Variants in MED26 observed in about 807,000 individuals in gnomAD.
MED26 encodes the protein mediator of RNA polymerase II transcription subunit 26.
A neutral mutation model predicts 43.7 loss-of-function variants in MED26; 7 were observed. That is an observed-to-expected ratio of 0.16 (90% CI 0.09 to 0.30). MED26 has a LOEUF of 0.30. Among genes scored for constraint, MED26 ranks in the 10% least tolerant of loss-of-function variants. The pLI, the probability that MED26 is intolerant of heterozygous loss-of-function variation, is 1.00. For missense variants in MED26, 784 were observed against 840.6 expected, an observed-to-expected ratio of 0.93 and a Z score of 0.83; for synonymous variants, 375 against 371.1, an observed-to-expected ratio of 1.01 and a Z score of -0.12.
chr19:16,593,409 A>G (rs1108173), intron 1 of MED26, among the ~76,000 whole-genome samples: 3,953 of 152,230 alleles, frequency 0.026, 150 homozygotes, highest in Admixed American at 0.084. Context: ...ACTGCCTGCA[A>G]CACACCCGCT....
At chr19:16,592,746 A>G (rs1021319423) in intron 1 of MED26, among the ~76,000 whole-genome samples, 2 of 152,168 alleles carry the variant, frequency 1.3e-5, no homozygotes, top group African/African-American at 4.8e-5. Context: ...TTCAGCTCCA[A>G]TAAGGACCTG....
intron 1 of MED26, among the ~76,000 whole-genome samples, chr19:16,617,227 C>T (rs1307379741): frequency 6.6e-6 from 1 of 152,170 alleles, no homozygotes; most frequent in Non-Finnish European, 1.5e-5. Context: ...GCCAACTACA[C>T]CAGAACACCT....
At chr19:16,605,330 C>T (rs893865402) in intron 1 of MED26, among the ~76,000 whole-genome samples, 1 of 152,114 alleles carries the variant, frequency 6.6e-6, no homozygotes, top group African/African-American at 2.4e-5. Flanking sequence ...AGGAAAGTCC[C>T]TAAGTATGGT....
At chr19:16,578,130 A>T in intron 2 of MED26, 1 of 604,364 alleles carries the variant, frequency 1.7e-6, no homozygotes, top group Non-Finnish European at 3.0e-6. Flanking sequence ...TGTGCTGGGC[A>T]TGTAGGATGG....
chr19:16,627,906 TC>T lies in MED26; in HGVS notation c.37del (p.Asp13ThrfsTer115). On this transcript the variant is annotated frameshift_variant, in exon 1 of 3. Transcript: ENST00000263390. LOFTEE classifies it high-confidence loss of function. ...AAPASPQQIR[D>X]RLLQAIDPQS... is the part of the protein sequence containing the mutation. The stretch of plus-strand genomic sequence containing the variant: ...GGGGTCGATGGCCTGCAGCAGCCGG[TC>T]CCTGATCTGCTGCGGAGACGCCGGA... The T allele has an allele frequency of 6.7e-7, 1 of 1,500,814 alleles. No individual in the cohort carries two copies. The allele number at this position is 1,500,814 out of a possible 1,614,324, so 93.0% of individuals were successfully genotyped here.
intron 1 of MED26, among the ~76,000 whole-genome samples, chr19:16,582,543 C>T (rs1186498550): frequency 6.6e-6 from 1 of 152,200 alleles, no homozygotes; most frequent in Non-Finnish European, 1.5e-5. Context: ...CCAACTGACC[C>T]CCCACCCAGG....
At chr19:16,627,669 G>C (rs975377303) in intron 1 of MED26, among the ~76,000 whole-genome samples, 3 of 152,232 alleles carry the variant, frequency 2.0e-5, no homozygotes, top group Admixed American at 6.5e-5. Context: ...CGGAAGCCTC[G>C]GCCTCACGTA....
chr19:16,622,969 C>T lies in MED26; in HGVS notation c.72+4903G>A, dbSNP rs2086258417. ...ACCTTGGCGCCCTTAAGCTACATGT[C>T]CTATCTTACACAGCTGCCCAGGGGC... On this transcript the variant is annotated intron_variant, in intron 1 of 2. Coordinates refer to ENST00000263390, the MANE Select transcript of MED26 (RefSeq NM_004831.5). Among the ~76,000 whole-genome samples the T allele has an allele frequency of 2.6e-5, 4 of 152,282 alleles. No homozygotes were observed. In the South Asian group the frequency reaches 8.3e-4, roughly 32 times the overall value.
chr19:16,605,940 T>C (rs952045206), intron 1 of MED26, among the ~76,000 whole-genome samples: 1 of 152,194 alleles, frequency 6.6e-6, no homozygotes, highest in Admixed American at 6.5e-5. Context: ...TCTACATCAC[T>C]GTGTGCGGAT....
At chr19:16,619,359 G>A (rs1334644748) in intron 1 of MED26, among the ~76,000 whole-genome samples, 3 of 152,190 alleles carry the variant, frequency 2.0e-5, no homozygotes, top group Non-Finnish European at 4.4e-5. Flanking sequence ...CAGAACAGGA[G>A]AGCCGTTAGC....
At chr19:16,622,521 C>T (rs770622861) in intron 1 of MED26, among the ~76,000 whole-genome samples, 4 of 152,194 alleles carry the variant, frequency 2.6e-5, no homozygotes, top group Non-Finnish European at 4.4e-5. Flanking sequence ...AAATGCTTCC[C>T]GGTTCAGGGA....
At chr19:16,619,791 G>A (rs923798120) in intron 1 of MED26, among the ~76,000 whole-genome samples, 4 of 152,154 alleles carry the variant, frequency 2.6e-5, no homozygotes, top group East Asian at 3.9e-4. Flanking sequence ...CCCAGCACAC[G>A]AATACCCGAG....
At chr19:16,612,719 A>C (rs190951415) in intron 1 of MED26, among the ~76,000 whole-genome samples, 98 of 152,346 alleles carry the variant, frequency 6.4e-4, no homozygotes, top group Non-Finnish European at 1.1e-3. Flanking sequence ...GATTTGGAAA[A>C]GTACAGGCAG....
At position 16,576,638 on chromosome 19, in the gene MED26, G is replaced by C. The variant is rs1234817208; in HGVS notation, c.1192C>G (p.Arg398Gly). 6.2e-7 allele frequency: 1 copy of C among 1,614,026 alleles called. No individual in the cohort carries two copies. Residue 398 changes from arginine to glycine, a missense_variant, in exon 3 of 3, where the codon CGA becomes GGA. Coordinates refer to ENST00000263390, the MANE Select transcript of MED26 (RefSeq NM_004831.5). The surrounding 1 kb of genome is among the most constrained non-coding windows in gnomAD (Gnocchi z 6.8). ...AAGTTAACCGTATAGTCTCGAGGTCGGTACCTCTTCTTCTTTTTACTGTCC... is the reference window on the plus strand; with the variant it reads ...AAGTTAACCGTATAGTCTCGAGGTCCGTACCTCTTCTTCTTTTTACTGTCC... ...GSDSKKKKRY[R>G]PRDYTVNLDG...
intron 1 of MED26, among the ~76,000 whole-genome samples, chr19:16,594,364 C>T (rs1363774099): frequency 3.3e-5 from 5 of 152,254 alleles, no homozygotes; most frequent in Admixed American, 2.0e-4. Context: ...AGTCAAGCCC[C>T]AAGTGGGGTG....
Position 16,599,211 on chromosome 19 carries a change from C to T in MED26, c.73-20802G>A, listed in dbSNP as rs139653851. Reference sequence around the variant, plus strand: ...TAATACCTGGACTTGGGTGATATTTCGTGGGTTATACTTTTCCCTAGTACC... The same window carrying T: ...TAATACCTGGACTTGGGTGATATTTTGTGGGTTATACTTTTCCCTAGTACC... On this transcript the variant is annotated intron_variant, in intron 1 of 2. Coordinates refer to ENST00000263390, the MANE Select transcript of MED26 (RefSeq NM_004831.5). Among the ~76,000 whole-genome samples, 14 of 152,198 alleles carry T rather than the reference C, an allele frequency of 9.2e-5. No homozygotes were observed. The East Asian group carries it at 1.4e-3, about 15-fold the overall frequency.
chr19:16,580,188 T>G (rs967920752), intron 1 of MED26, among the ~76,000 whole-genome samples: 1 of 152,158 alleles, frequency 6.6e-6, no homozygotes, highest in African/African-American at 2.4e-5. Context: ...GCCACATCCT[T>G]GCCAAGACTG....
At chr19:16,585,816 C>T (rs920178937) in intron 1 of MED26, among the ~76,000 whole-genome samples, 6 of 152,288 alleles carry the variant, frequency 3.9e-5, no homozygotes, top group Admixed American at 2.0e-4. Context: ...GGCATGTGTC[C>T]GAGTTTTTCT....
chr19:16,590,582 A>G (rs557199910), intron 1 of MED26, among the ~76,000 whole-genome samples: 2 of 152,178 alleles, frequency 1.3e-5, no homozygotes, highest in Non-Finnish European at 2.9e-5. Flanking sequence ...GGTTGATTAC[A>G]CACATTTTCA....
Sources: allele counts gnomAD v4.1 joint callset (sites outside exome capture counted in the v4.1 genomes callset), GRCh38; gene constraint gnomAD v4.1.1; non-coding constraint Gnocchi (gnomAD v3.1); transcripts MANE v1.5; gene names NCBI Gene and HGNC (gene_info 2026-07-23, HGNC 2026-07-21).